NRG3: variants seen among roughly 807,000 people sequenced by gnomAD.
The protein encoded by NRG3 is neuregulin 3.
In NRG3, 31 loss-of-function variants were observed where a neutral mutation model predicts 66.9. The ratio of observed to expected loss-of-function variants is 0.46; its 90% CI spans 0.35 to 0.63. The LOEUF is 0.63. NRG3 is among the 20% of genes least tolerant of loss of function. NRG3 has a pLI of 0.00. For synonymous variants in NRG3, 393 were observed against 359.4 expected (o/e 1.09, Z -1.06); for missense variants, 910 against 878.9 (o/e 1.04, Z -0.45).
chr10:82,735,355 T>C (rs993587413), intron 2 of NRG3, among the ~76,000 whole-genome samples: 6 of 152,066 alleles, frequency 3.9e-5, no homozygotes, highest in African/African-American at 1.4e-4. Flanking sequence ...TCCTAAGGGA[T>C]AAAGAAATAC....
intron 2 of NRG3, among the ~76,000 whole-genome samples, chr10:82,590,264 G>T (rs777109442): frequency 3.7e-4 from 56 of 152,248 alleles, no homozygotes; most frequent in Admixed American, 9.8e-4. Flanking sequence ...TTGTAAGTAT[G>T]AAGTATTAAT....
chr10:82,702,335 A>G (rs1309379752), intron 2 of NRG3, among the ~76,000 whole-genome samples: 1 of 152,212 alleles, frequency 6.6e-6, no homozygotes, highest in Non-Finnish European at 1.5e-5. Flanking sequence ...AATTGTTTAT[A>G]AATTTTACCT....
intron 1 of NRG3, among the ~76,000 whole-genome samples, chr10:82,321,294 G>A (rs1442679768): frequency 7.8e-6 from 1 of 127,940 alleles, no homozygotes; most frequent in Non-Finnish European, 1.5e-5. Flanking sequence ...ACATCCTGTG[G>A]CAGGGGTGGG....
At chr10:82,220,200 G>A (rs1209489556) in intron 1 of NRG3, among the ~76,000 whole-genome samples, 1 of 152,066 alleles carries the variant, frequency 6.6e-6, no homozygotes, top group East Asian at 1.9e-4. Context: ...GTGTGTGTGT[G>A]TGTGTGTGTG....
chr10:82,934,188 G>T (rs1180591227), intron 4 of NRG3, among the ~76,000 whole-genome samples: 3 of 152,182 alleles, frequency 2.0e-5, no homozygotes. Context: ...ACATGAATGG[G>T]CATGTAGAAA....
At chr10:82,720,825 A>ATGTATATATATATATG (rs1555012708) in intron 2 of NRG3, among the ~76,000 whole-genome samples, 1 of 130,604 alleles carries the variant, frequency 7.7e-6, no homozygotes, top group East Asian at 2.1e-4. Flanking sequence ...ATATATATAT[A>ATGTATATATATATATG]TATATATATA....
At chr10:82,101,319 G>A (rs1442398981) in intron 1 of NRG3, among the ~76,000 whole-genome samples, 1 of 151,508 alleles carries the variant, frequency 6.6e-6, no homozygotes, top group African/African-American at 2.4e-5. Context: ...TTCTATTTCA[G>A]TAATATCAAC....
At chr10:82,644,125 A>G (rs1175633327) in intron 2 of NRG3, among the ~76,000 whole-genome samples, 1 of 152,082 alleles carries the variant, frequency 6.6e-6, no homozygotes, top group Non-Finnish European at 1.5e-5. Context: ...TTAACAGAAG[A>G]GCTTTTCTTG....
chr10:82,367,216 T>G (rs1394668649), intron 2 of NRG3, among the ~76,000 whole-genome samples: 2 of 152,226 alleles, frequency 1.3e-5, no homozygotes, highest in African/African-American at 4.8e-5. Flanking sequence ...TGATGATAAC[T>G]GTCCTTCCTG....
chr10:82,538,804 G>T (rs1205061390), intron 2 of NRG3, among the ~76,000 whole-genome samples: 1 of 152,052 alleles, frequency 6.6e-6, no homozygotes, highest in Non-Finnish European at 1.5e-5. Context: ...TTCTAAATAA[G>T]TTATGTTACT....
intron 1 of NRG3, among the ~76,000 whole-genome samples, chr10:82,139,124 T>G: frequency 6.6e-6 from 1 of 152,192 alleles, no homozygotes; most frequent in East Asian, 1.9e-4. Context: ...AATGGACATT[T>G]ACTTTTCTGG....
At chr10:81,877,863 C>T in intron 1 of NRG3, 1 of 1,514,886 alleles carries the variant, frequency 6.6e-7, no homozygotes, top group South Asian at 1.2e-5. Flanking sequence ...ATAAAGGATT[C>T]ATGAGTGTAT....
intron 2 of NRG3, among the ~76,000 whole-genome samples, chr10:82,723,535 A>G (rs2057422582): frequency 6.6e-6 from 1 of 152,222 alleles, no homozygotes; most frequent in African/African-American, 2.4e-5. Flanking sequence ...ATTAACGTAA[A>G]TTCATGTTGA....
chr10:82,768,102 G>A (rs2059584872), intron 3 of NRG3, among the ~76,000 whole-genome samples: 1 of 152,136 alleles, frequency 6.6e-6, no homozygotes, highest in Non-Finnish European at 1.5e-5. Flanking sequence ...CTTTCTAAAG[G>A]CGGATGCCTG....
intron 4 of NRG3, among the ~76,000 whole-genome samples, chr10:82,885,141 A>T (rs1842621815): frequency 6.6e-6 from 1 of 152,238 alleles, no homozygotes; most frequent in Non-Finnish European, 1.5e-5. Flanking sequence ...CAAGAAGAAT[A>T]ATCTTCTGCC....
intron 2 of NRG3, among the ~76,000 whole-genome samples, chr10:82,524,672 C>T (rs1846517473): frequency 6.6e-6 from 1 of 151,834 alleles, no homozygotes; most frequent in South Asian, 2.1e-4. Flanking sequence ...ATAAAATCTG[C>T]TCTTCAAATA....
Position 82,546,814 on chromosome 10 carries a change from T to A in NRG3, c.953+187946T>A, listed in dbSNP as rs553913769. ...AATGCAGGGCAAATCAAACACACAA[T>A]GGAATTGCATATCATGTACTACATG... On this transcript the variant is annotated intron_variant, in intron 2 of 8. Coordinates refer to ENST00000372141, the MANE Select transcript of NRG3 (RefSeq NM_001010848.4). Among the ~76,000 whole-genome samples, 11 of 152,240 alleles carry A rather than the reference T, an allele frequency of 7.2e-5. No homozygotes were observed. In the South Asian group the frequency reaches 2.1e-3, roughly 29 times the overall value.
At chr10:82,632,303 A>T (rs779355543) in intron 2 of NRG3, among the ~76,000 whole-genome samples, 2 of 152,138 alleles carry the variant, frequency 1.3e-5, no homozygotes, top group Admixed American at 6.6e-5. Context: ...AGACTTGAAG[A>T]TATATTCTGC....
intron 2 of NRG3, among the ~76,000 whole-genome samples, chr10:82,677,747 A>G (rs995711121): frequency 2.0e-5 from 3 of 152,168 alleles, no homozygotes; most frequent in African/African-American, 7.2e-5. Context: ...CAGGAATAAA[A>G]GTTTATTAAA....
Sources: gnomAD v4.1 joint callset for allele counts (sites outside exome capture counted in the v4.1 genomes callset) on GRCh38, gnomAD v4.1.1 for gene constraint, MANE v1.5 for transcripts, NCBI Gene and HGNC (gene_info 2026-07-23, HGNC 2026-07-21) for gene names.